PHACTR1: variants seen among roughly 807,000 people sequenced by gnomAD.
PHACTR1 encodes the protein RPEL repeat containing 1.
A neutral mutation model predicts 69.2 loss-of-function variants in PHACTR1; 16 were observed. That is an observed-to-expected ratio of 0.23 (90% CI 0.16 to 0.35). The LOEUF is 0.35. PHACTR1 is among the 10% of genes least tolerant of loss of function. The pLI is 1.00. For missense variants in PHACTR1, 510 were observed against 734.7 expected (o/e 0.69, Z 3.54); for synonymous variants, 312 against 284.5 (o/e 1.10, Z -0.97).
chr6:12,932,556 A>G (rs1374989438), intron 4 of PHACTR1, among the ~76,000 whole-genome samples: 1 of 152,222 alleles, frequency 6.6e-6, no homozygotes, highest in Non-Finnish European at 1.5e-5. Flanking sequence ...ATCTTAGATC[A>G]TTCTGGTTAT....
chr6:12,991,806 C>T (rs1017949743), intron 4 of PHACTR1, among the ~76,000 whole-genome samples: 3 of 152,234 alleles, frequency 2.0e-5, no homozygotes, highest in Admixed American at 6.5e-5. Context: ...ACTTTCTAAA[C>T]ACACTTTATT....
intron 4 of PHACTR1, among the ~76,000 whole-genome samples, chr6:12,851,937 C>T (rs1375826748): frequency 3.3e-5 from 5 of 152,066 alleles, no homozygotes; most frequent in African/African-American, 4.8e-5. Context: ...TGGGTTCAAG[C>T]GATTCTCCTA....
At chr6:13,047,672 C>T (rs567763695) in intron 4 of PHACTR1, among the ~76,000 whole-genome samples, 1 of 152,100 alleles carries the variant, frequency 6.6e-6, no homozygotes, top group Non-Finnish European at 1.5e-5. Context: ...ACTGGGGTCC[C>T]AAATGGGCTG....
In PHACTR1 at chr6:12,934,089, G is replaced by A. The variant is rs1395825459; in HGVS notation, c.251-119276G>A. The A allele has an allele frequency of 1.0e-4, 110 of 1,096,116 alleles. 1 individual carries two copies. The highest frequency in any genetic ancestry group is 2.1e-4 in the Admixed American group (7 of 33,190). 67.9% of individuals were successfully genotyped at this position (1,096,116 alleles called of 1,614,324 possible). ...GCCACGGTCCTTTTGCAGGCTCTAGGGAAGAACCTTCTTGTGTCTTCCAGC... is the reference window on the plus strand; with the variant it reads ...GCCACGGTCCTTTTGCAGGCTCTAGAGAAGAACCTTCTTGTGTCTTCCAGC... On this transcript the variant is annotated intron_variant, in intron 4 of 14. Transcript: ENST00000332995.
At chr6:12,949,783 G>A (rs949328964) in intron 4 of PHACTR1, among the ~76,000 whole-genome samples, 6 of 152,032 alleles carry the variant, frequency 3.9e-5, no homozygotes, top group Non-Finnish European at 7.4e-5. Flanking sequence ...AAAAAATCAC[G>A]AATCAATCTG....
chr6:12,960,489 A>G (rs950014147), intron 4 of PHACTR1, among the ~76,000 whole-genome samples: 2 of 152,216 alleles, frequency 1.3e-5, no homozygotes, highest in African/African-American at 4.8e-5. Context: ...CAGAAGGGTC[A>G]ATTGAACTGG....
chr6:13,247,943 C>T (rs1410840540), intron 10 of PHACTR1, among the ~76,000 whole-genome samples: 1 of 152,132 alleles, frequency 6.6e-6, no homozygotes, highest in Non-Finnish European at 1.5e-5. Context: ...ATGAATCTAC[C>T]ACCTGCCCAT....
intron 4 of PHACTR1, among the ~76,000 whole-genome samples, chr6:12,869,378 C>T (rs1028444890): frequency 2.0e-5 from 3 of 152,198 alleles, no homozygotes; most frequent in African/African-American, 7.2e-5. Context: ...CAATCCCTTG[C>T]ACCTCCTCCT....
chr6:13,237,682 T>C (rs1440795585), intron 10 of PHACTR1, among the ~76,000 whole-genome samples: 1 of 152,206 alleles, frequency 6.6e-6, no homozygotes, highest in Non-Finnish European at 1.5e-5. Flanking sequence ...TGCTTAACGA[T>C]GGGATTACAT....
At chr6:12,790,297 A>T (rs953137787) in intron 4 of PHACTR1, among the ~76,000 whole-genome samples, 4 of 151,858 alleles carry the variant, frequency 2.6e-5, no homozygotes, top group Non-Finnish European at 5.9e-5. Context: ...CTGCTCACTT[A>T]CCCTGATGGG....
At chr6:12,909,611 T>C (rs920974581) in intron 4 of PHACTR1, among the ~76,000 whole-genome samples, 3 of 152,204 alleles carry the variant, frequency 2.0e-5, no homozygotes, top group African/African-American at 7.2e-5. Context: ...ACAACCTTGC[T>C]CATTTGTAAA....
chr6:13,046,166 G>A (rs146146650), intron 4 of PHACTR1, among the ~76,000 whole-genome samples: 11 of 152,240 alleles, frequency 7.2e-5, no homozygotes, highest in Non-Finnish European at 8.8e-5. Flanking sequence ...GGGTGTGGGT[G>A]TTGTTTTGTG....
intron 8 of PHACTR1, among the ~76,000 whole-genome samples, chr6:13,208,584 C>T (rs1393694464): frequency 6.6e-6 from 1 of 151,952 alleles, no homozygotes; most frequent in African/African-American, 2.4e-5. Context: ...TGTACTAACA[C>T]ACAGCTGCTT....
intron 4 of PHACTR1, among the ~76,000 whole-genome samples, chr6:12,836,375 C>G (rs1226155832): frequency 6.6e-6 from 1 of 152,116 alleles, no homozygotes; most frequent in Non-Finnish European, 1.5e-5. Flanking sequence ...GTTTGGTAAA[C>G]CTAAAGAAAT....
At chr6:12,782,843 A>T (rs1482055771) in intron 4 of PHACTR1, among the ~76,000 whole-genome samples, 4 of 152,242 alleles carry the variant, frequency 2.6e-5, no homozygotes, top group Non-Finnish European at 5.9e-5. Flanking sequence ...AAGTAGACAC[A>T]GTAATTACCT....
At chr6:13,001,168 T>C (rs1383356429) in intron 4 of PHACTR1, among the ~76,000 whole-genome samples, 1 of 152,188 alleles carries the variant, frequency 6.6e-6, no homozygotes, top group African/African-American at 2.4e-5. Flanking sequence ...TAAAGACAGG[T>C]GTTTAATAAA....
At chr6:12,781,177 T>A (rs564370889) in intron 4 of PHACTR1, among the ~76,000 whole-genome samples, 1 of 152,202 alleles carries the variant, frequency 6.6e-6, no homozygotes, top group African/African-American at 2.4e-5. Context: ...GAGTCCCCAC[T>A]GTGTTCTGTG....
chr6:13,083,328 T>C (rs1222583568), intron 5 of PHACTR1, among the ~76,000 whole-genome samples: 1 of 152,208 alleles, frequency 6.6e-6, no homozygotes, highest in Non-Finnish European at 1.5e-5. Flanking sequence ...ACCAGTACCA[T>C]GCTGTTTTGG....
At chr6:12,910,554 C>G (rs761025327) in intron 4 of PHACTR1, among the ~76,000 whole-genome samples, 28 of 152,174 alleles carry the variant, frequency 1.8e-4, no homozygotes, top group Non-Finnish European at 8.8e-5. Context: ...TAAATACCTT[C>G]AACTTTTTCC....
Sources: gnomAD v4.1 joint callset for allele counts (sites outside exome capture counted in the v4.1 genomes callset) on GRCh38, gnomAD v4.1.1 for gene constraint, MANE v1.5 for transcripts, NCBI Gene and HGNC (gene_info 2026-07-23, HGNC 2026-07-21) for gene names.